Variants in RBFOX1 observed in about 807,000 individuals in gnomAD.
RBFOX1 encodes the protein RNA binding fox-1 homolog 1.
Under a neutral mutation model 57.7 loss-of-function variants are expected in RBFOX1, and 8 were observed. That is an observed-to-expected ratio of 0.14 (90% CI 0.08 to 0.25). The LOEUF (loss-of-function observed/expected upper bound fraction) is 0.25. Among genes scored for constraint, RBFOX1 ranks in the 10% least tolerant of loss-of-function variants. The pLI is 1.00. For synonymous variants in RBFOX1, 326 were observed against 222.4 expected (o/e 1.47, Z -4.15); for missense variants, 611 against 548.5 (o/e 1.11, Z -1.14).
intron 4 of RBFOX1, among the ~76,000 whole-genome samples, chr16:7,170,592 G>C (rs905204643): frequency 2.0e-5 from 3 of 152,160 alleles, no homozygotes; most frequent in African/African-American, 7.2e-5. Flanking sequence ...TAAAGGATTT[G>C]ACTGGATCAC....
At chr16:7,698,986 G>A (rs1217734443) in intron 14 of RBFOX1, among the ~76,000 whole-genome samples, 1 of 152,158 alleles carries the variant, frequency 6.6e-6, no homozygotes, top group Admixed American at 6.5e-5. Flanking sequence ...TGGAATGGTG[G>A]TTATCAAATT....
chr16:6,959,223 C>G (rs2082448086), intron 3 of RBFOX1, among the ~76,000 whole-genome samples: 1 of 152,102 alleles, frequency 6.6e-6, no homozygotes, highest in Non-Finnish European at 1.5e-5. Context: ...TAAAAAGTAC[C>G]TCTCTTTGCT....
At chr16:6,978,159 C>T (rs2087628107) in intron 3 of RBFOX1, among the ~76,000 whole-genome samples, 2 of 152,020 alleles carry the variant, frequency 1.3e-5, no homozygotes, top group Non-Finnish European at 2.9e-5. Flanking sequence ...GGCCCCATGG[C>T]ATACGGCAGT....
At chr16:5,602,043 G>C (rs1436825083), downstream of RBFOX1, among the ~76,000 whole-genome samples, 1 of 152,214 alleles carries the variant, frequency 6.6e-6, no homozygotes, top group Non-Finnish European at 1.5e-5. Flanking sequence ...TGAGGATCCA[G>C]TTGCCTTAAC....
chr16:7,278,373 C>G (rs940249679), intron 4 of RBFOX1, among the ~76,000 whole-genome samples: 13 of 152,142 alleles, frequency 8.5e-5, no homozygotes, highest in Admixed American at 4.6e-4. Flanking sequence ...ATCAAAATAT[C>G]TACATAAAGA....
chr16:6,586,819 A>T (rs550566547), intron 2 of RBFOX1, among the ~76,000 whole-genome samples: 1 of 152,228 alleles, frequency 6.6e-6, no homozygotes, highest in Admixed American at 6.5e-5. Flanking sequence ...TAACTGCACT[A>T]TCACCACGTA....
intron 1 of RBFOX1, among the ~76,000 whole-genome samples, chr16:6,114,863 A>G (rs1269916144): frequency 1.3e-5 from 2 of 152,162 alleles, no homozygotes; most frequent in Admixed American, 1.3e-4. Context: ...CTCCTTGCAG[A>G]GGAGGGCTAA....
At chr16:5,471,803 C>G (rs1177850254) in intron 2 of RBFOX1, among the ~76,000 whole-genome samples, 1 of 152,120 alleles carries the variant, frequency 6.6e-6, no homozygotes, top group East Asian at 1.9e-4. Context: ...TAGAGTCTAG[C>G]CTAGAGTGGG....
chr16:5,916,230 A>G (rs999886247), intron 4 of RBFOX1, among the ~76,000 whole-genome samples: 1 of 152,202 alleles, frequency 6.6e-6, no homozygotes, highest in African/African-American at 2.4e-5. Context: ...ATTTCTTCCC[A>G]TCACCGTAAC....
chr16:5,433,253 A>G lies in RBFOX1; in HGVS notation c.220-33963A>G, dbSNP rs150175727. On this transcript the variant is annotated intron_variant, in intron 1 of 2. Coordinates refer to the RBFOX1 transcript ENST00000585867. ...TACGGTGCAGGAGGAGTTTGTGGACATCTTGAAAGGAGGCCCCTTGACTGC... is the reference window on the plus strand; with the variant it reads ...TACGGTGCAGGAGGAGTTTGTGGACGTCTTGAAAGGAGGCCCCTTGACTGC... Among the ~76,000 whole-genome samples the G allele has an allele frequency of 4.5e-3, 683 of 152,274 alleles. 10 individuals carry two copies. Among genetic ancestry groups the G allele is most frequent in the African/African-American group, 0.016 (655 of 41,554 alleles).
chr16:5,954,474 T>C (rs990042951), intron 4 of RBFOX1, among the ~76,000 whole-genome samples: 2 of 152,178 alleles, frequency 1.3e-5, no homozygotes, highest in African/African-American at 2.4e-5. Context: ...AGATTTTTCA[T>C]CCTAATTTCA....
At chr16:5,617,540 A>G (rs1177147398) in intron 3 of RBFOX1, among the ~76,000 whole-genome samples, 3 of 152,340 alleles carry the variant, frequency 2.0e-5, no homozygotes, top group Non-Finnish European at 2.9e-5. Context: ...ATTGAAGTCC[A>G]GAAATGCTAG....
At chr16:6,407,820 C>T (rs1055153903) in intron 2 of RBFOX1, among the ~76,000 whole-genome samples, 7 of 152,138 alleles carry the variant, frequency 4.6e-5, no homozygotes, top group African/African-American at 1.7e-4. Context: ...AATCCTCACG[C>T]AGCATACATG....
chr16:5,552,539 G>C (rs1345604104), intron 2 of RBFOX1, among the ~76,000 whole-genome samples: 3 of 152,198 alleles, frequency 2.0e-5, no homozygotes, highest in Admixed American at 2.0e-4. Flanking sequence ...GCAGAGAAGT[G>C]GTTAGAAGCC....
chr16:6,116,354 A>G (rs1567493147), intron 1 of RBFOX1, among the ~76,000 whole-genome samples: 1 of 152,188 alleles, frequency 6.6e-6, no homozygotes, highest in Non-Finnish European at 1.5e-5. Flanking sequence ...CCACCATGGC[A>G]TGTGTATACC....
chr16:5,897,880 A>C (rs2058206191), intron 4 of RBFOX1, among the ~76,000 whole-genome samples: 1 of 149,324 alleles, frequency 6.7e-6, no homozygotes, highest in Admixed American at 6.7e-5. Context: ...GAAATATTAC[A>C]TGTTTGAGCT....
intron 3 of RBFOX1, among the ~76,000 whole-genome samples, chr16:6,957,298 A>AT (rs2082075692): frequency 1.3e-5 from 2 of 151,640 alleles, no homozygotes; most frequent in South Asian, 4.2e-4. Flanking sequence ...CGCCAGGCTA[A>AT]TTTTTTGTAT....
intron 2 of RBFOX1, among the ~76,000 whole-genome samples, chr16:6,505,036 C>G (rs1438623583): frequency 2.0e-5 from 3 of 152,100 alleles, no homozygotes; most frequent in South Asian, 2.1e-4. Context: ...TTGTGCTGCT[C>G]TACTCCATCT....
intron 2 of RBFOX1, among the ~76,000 whole-genome samples, chr16:6,536,503 T>A (rs2096737303): frequency 6.6e-6 from 1 of 152,150 alleles, no homozygotes; most frequent in South Asian, 2.1e-4. Context: ...GCTTTGATGA[T>A]GTACTGCATT....
Sources: gnomAD v4.1 joint callset for allele counts (sites outside exome capture counted in the v4.1 genomes callset) on GRCh38, gnomAD v4.1.1 for gene constraint, MANE v1.5 for transcripts, NCBI Gene and HGNC (gene_info 2026-07-23, HGNC 2026-07-21) for gene names.